The following CDH11 variants were observed in gnomAD, a reference collection of about 807,000 sequenced individuals.
CDH11 encodes the protein cadherin 11.
Under a neutral mutation model 67.8 loss-of-function variants are expected in CDH11, and 11 were observed. That is an observed-to-expected ratio of 0.16 (90% CI 0.10 to 0.27). CDH11 has a LOEUF of 0.27. CDH11 is among the 10% of genes least tolerant of loss of function. The pLI, the probability that CDH11 is intolerant of heterozygous loss-of-function variation, is 1.00. For missense variants in CDH11, 847 were observed against 1,031.2 expected (o/e 0.82, Z 2.45); for synonymous variants, 419 against 400.0 (o/e 1.05, Z -0.57).
At chr16:65,047,694 A>C (rs2073987043) in intron 2 of CDH11, among the ~76,000 whole-genome samples, 1 of 152,134 alleles carries the variant, frequency 6.6e-6, no homozygotes, top group Admixed American at 6.6e-5. Flanking sequence ...TAACCATCTT[A>C]ACTGTTTAAA....
chr16:65,086,153 T>C (rs899890629), intron 1 of CDH11, among the ~76,000 whole-genome samples: 3 of 152,252 alleles, frequency 2.0e-5, no homozygotes, highest in African/African-American at 7.2e-5. Flanking sequence ...CAGTCCTTGA[T>C]ATTCTCTAAA....
At chr16:65,031,239 C>T (rs1018709123) in intron 2 of CDH11, among the ~76,000 whole-genome samples, 3 of 152,204 alleles carry the variant, frequency 2.0e-5, no homozygotes, top group Non-Finnish European at 4.4e-5. Flanking sequence ...ACCAAACATA[C>T]CTAGAACATG....
At chr16:65,049,472 G>A (rs969839398) in intron 2 of CDH11, among the ~76,000 whole-genome samples, 6 of 151,956 alleles carry the variant, frequency 3.9e-5, no homozygotes, top group African/African-American at 7.3e-5. Context: ...TGACCCCTGC[G>A]CATAGCAGCC....
chr16:65,064,142 A>AACCTTATCT (rs2074274734), intron 1 of CDH11, among the ~76,000 whole-genome samples: 3 of 152,134 alleles, frequency 2.0e-5, no homozygotes, highest in Admixed American at 1.3e-4. Context: ...GTCCTCAGAG[A>AACCTTATCT]AGGCCCAGAG....
At chr16:65,055,214 C>T (rs1251898099) in intron 1 of CDH11, among the ~76,000 whole-genome samples, 3 of 152,180 alleles carry the variant, frequency 2.0e-5, no homozygotes, top group African/African-American at 7.2e-5. Context: ...TCTAAAATTA[C>T]CCCACAATAA....
chr16:65,117,757 T>C (rs1000897894), intron 1 of CDH11, among the ~76,000 whole-genome samples: 1 of 152,210 alleles, frequency 6.6e-6, no homozygotes, highest in Non-Finnish European at 1.5e-5. Context: ...GTCTCACTGA[T>C]ATTTTTCTTC....
intron 7 of CDH11, among the ~76,000 whole-genome samples, chr16:64,983,578 C>A (rs915001029): frequency 4.6e-5 from 7 of 152,092 alleles, no homozygotes; most frequent in Non-Finnish European, 1.0e-4. Context: ...GCTGATGATC[C>A]CAGTTTCAAC....
intron 1 of CDH11, among the ~76,000 whole-genome samples, chr16:65,073,912 A>G (rs906329348): frequency 4.6e-5 from 7 of 152,170 alleles, no homozygotes; most frequent in Admixed American, 2.0e-4. Context: ...AGATGCTTGG[A>G]GAATGGAGAG....
At chr16:65,043,597 C>A (rs1423180822) in intron 2 of CDH11, among the ~76,000 whole-genome samples, 1 of 152,160 alleles carries the variant, frequency 6.6e-6, no homozygotes, top group Non-Finnish European at 1.5e-5. Context: ...GTGAAAGCTG[C>A]AAGTGAAGTC....
intron 2 of CDH11, among the ~76,000 whole-genome samples, chr16:65,045,351 A>ATATCTATC (rs1555522694): frequency 8.4e-6 from 1 of 119,630 alleles, no homozygotes; most frequent in Non-Finnish European, 1.8e-5. Flanking sequence ...ATATATATAT[A>ATATCTATC]TATATATATA....
chr16:65,062,994 G>A (rs1011215751), intron 1 of CDH11, among the ~76,000 whole-genome samples: 4 of 152,208 alleles, frequency 2.6e-5, no homozygotes, highest in African/African-American at 9.7e-5. Flanking sequence ...ACCCAGGGTC[G>A]GCAGGGGAAT....
chr16:64,949,117 T>C (rs967988327), intron 12 of CDH11, among the ~76,000 whole-genome samples: 2 of 152,180 alleles, frequency 1.3e-5, no homozygotes, highest in African/African-American at 4.8e-5. Context: ...GGACTCTTTT[T>C]TTCTTTCATC....
intron 1 of CDH11, among the ~76,000 whole-genome samples, chr16:65,097,270 C>T (rs2142846130): frequency 6.6e-6 from 1 of 152,328 alleles, no homozygotes; most frequent in South Asian, 2.1e-4. Context: ...GGATTCCCAA[C>T]TGGGTCATGC....
At chr16:64,950,709 C>A in intron 12 of CDH11, 58 bp downstream of exon 12, 1 of 1,509,754 alleles carries the variant, frequency 6.6e-7, no homozygotes. Flanking sequence ...GCATGTGTTT[C>A]AAGGAGGGGC....
intron 1 of CDH11, among the ~76,000 whole-genome samples, chr16:65,060,309 A>C (rs1253764325): frequency 6.7e-6 from 1 of 149,182 alleles, no homozygotes; most frequent in Non-Finnish European, 1.5e-5. Context: ...ATAAGGGGAA[A>C]TATCTAAGCA....
chr16:64,995,042 C>T (rs2072729584), intron 4 of CDH11, among the ~76,000 whole-genome samples: 1 of 152,120 alleles, frequency 6.6e-6, no homozygotes, highest in Non-Finnish European at 1.5e-5. Flanking sequence ...CGAAACACTG[C>T]TGAAAGAAAT....
intron 11 of CDH11, among the ~76,000 whole-genome samples, chr16:64,967,499 TC>T (rs2071871242): frequency 6.6e-6 from 1 of 152,140 alleles, no homozygotes. Context: ...TAGGAATTTA[TC>T]CTAAAAGAAT....
At chr16:65,010,604 C>T (rs1356705276) in intron 2 of CDH11, among the ~76,000 whole-genome samples, 1 of 152,048 alleles carries the variant, frequency 6.6e-6, no homozygotes, top group Non-Finnish European at 1.5e-5. Flanking sequence ...ATTTCTAATA[C>T]CAAATTCAAA....
Position 64,944,001 on chromosome 16 carries a change from T to C in CDH11, c.*3602A>G, listed in dbSNP as rs1414338656. 1 of 232,112 alleles carries C rather than the reference T, an allele frequency of 4.3e-6. No individual in the cohort carries two copies. Among genetic ancestry groups the C allele is most frequent in the Non-Finnish European group, 8.5e-6 (1 of 117,412 alleles). The allele number at this position is 232,112 out of a possible 1,614,324, so 14.4% of individuals were successfully genotyped here. A position where few individuals can be genotyped will look rare whatever the true frequency, so the allele number is the denominator to read the frequency against. On this transcript the variant is annotated 3_prime_UTR_variant, in exon 13 of 13. Transcript: ENST00000268603. ...CTTTCCATGGAAAAGGAACGTGTTT[T>C]TTTTTGTATCAGGAACCGAAAGATG...
Sources: allele counts gnomAD v4.1 joint callset (sites outside exome capture counted in the v4.1 genomes callset), GRCh38; gene constraint gnomAD v4.1.1; transcripts MANE v1.5; gene names NCBI Gene and HGNC (gene_info 2026-07-23, HGNC 2026-07-21).